The following SLC25A38 variants were observed in gnomAD, a reference collection of about 807,000 sequenced individuals.
SLC25A38 encodes the protein mitochondrial glycine transporter.
A neutral mutation model predicts 33.4 loss-of-function variants in SLC25A38; 27 were observed. The observed-to-expected ratio is 0.81, with a 90% confidence interval of 0.60 to 1.11. The LOEUF (loss-of-function observed/expected upper bound fraction) is 1.11. SLC25A38 is among the 50% of genes most tolerant of loss of function. The probability of loss-of-function intolerance (pLI) is 0.00; values close to 1 mark genes in which losing one functional copy is unlikely to be tolerated. For missense variants in SLC25A38, 344 were observed against 388.8 expected, an observed-to-expected ratio of 0.88 and a Z score of 0.97; for synonymous variants, 123 against 145.9, an observed-to-expected ratio of 0.84 and a Z score of 1.13.
chr3:39,396,648 T>C lies in SLC25A38; in HGVS notation c.*128T>C. ...AAACCAGGCAGAAATTGTGTTGCCT[T>C]TGCCTTCAGTAATCCCCTTAAGGAG... On this transcript the variant is annotated 3_prime_UTR_variant, in exon 7 of 7. Transcript: ENST00000650617. 6.8e-7 allele frequency: 1 copy of C among 1,470,162 alleles called. No homozygotes were observed. The highest frequency in any genetic ancestry group is 1.2e-5 in the South Asian group (1 of 86,504). 91.1% of individuals were successfully genotyped at this position (1,470,162 alleles called of 1,614,324 possible). A position where few individuals can be genotyped will look rare whatever the true frequency, so the allele number is the denominator to read the frequency against.
intron 3 of SLC25A38, among the ~76,000 whole-genome samples, 195 bp from the exon 4 acceptor site, chr3:39,391,246 C>T (rs991143180): frequency 2.0e-5 from 3 of 152,206 alleles, no homozygotes; most frequent in African/African-American, 4.8e-5. Context: ...ACAGCAGAAA[C>T]TGGTTTTATA....
chr3:39,391,491 C>T lies in SLC25A38; in HGVS notation c.327C>T (p.Tyr109=), dbSNP rs1482782807. The T allele has an allele frequency of 6.2e-7, 1 of 1,614,106 alleles. No homozygotes were observed. The highest frequency in any genetic ancestry group is 1.3e-5 in the African/African-American group (1 of 74,940). Residue 109 remains tyrosine, a synonymous_variant, in exon 4 of 7, where the codon TAC becomes TAT. Transcript: ENST00000650617. The stretch of plus-strand genomic sequence containing the variant: ...TTGGAATCTACTTTGGCACTCTCTA[C>T]TCTTTGAAGCAGTATTTCTTGCGAG... ...PGVGIYFGTL[Y]SLKQYFLRGH...
intron 1 of SLC25A38, 104 bp downstream of exon 1, chr3:39,383,897 G>T (rs1220462984): frequency 1.1e-5 from 14 of 1,280,638 alleles, no homozygotes; most frequent in African/African-American, 1.5e-5. Context: ...CGCGCCCCAG[G>T]GTGCGCTCAG....
At chr3:39,390,631 C>G in intron 3 of SLC25A38, 124 bp downstream of exon 3, 1 of 940,674 alleles carries the variant, frequency 1.1e-6, no homozygotes, top group Non-Finnish European at 1.7e-6. Context: ...CCTATGTGGT[C>G]TTATCTCTCA....
At chr3:39,392,156 A>C in intron 5 of SLC25A38, 135 bp downstream of exon 5, 1 of 1,201,334 alleles carries the variant, frequency 8.3e-7, no homozygotes, top group South Asian at 1.3e-5. Flanking sequence ...TGTGTCAGGA[A>C]CTGGGATGCA....
chr3:39,383,809 G>C lies in SLC25A38; in HGVS notation c.69+16G>C, dbSNP rs753702625. ...AACGCTTATGGTGAGGGCACTGCGGGGAAGGAAGGGCAGGGGTCCGAACCG... is the reference window on the plus strand; with the variant it reads ...AACGCTTATGGTGAGGGCACTGCGGCGAAGGAAGGGCAGGGGTCCGAACCG... On this transcript the variant is annotated intron_variant, in intron 1 of 6. Coordinates refer to ENST00000650617, the MANE Select transcript of SLC25A38 (RefSeq NM_017875.4). The C allele has an allele frequency of 6.2e-7, 1 of 1,613,890 alleles. No individual in the cohort carries two copies. Among genetic ancestry groups the C allele is most frequent in the Admixed American group, 1.7e-5 (1 of 59,996 alleles).
chr3:39,391,377 C>A (rs1349166423), intron 3 of SLC25A38, 64 bp from the exon 4 acceptor site: 8 of 1,608,604 alleles, frequency 5.0e-6, no homozygotes, highest in Non-Finnish European at 5.9e-6. Context: ...TGGGAAAACC[C>A]AGCTAAGATA....
chr3:39,385,215 G>GTTT (rs1284366532), intron 1 of SLC25A38, among the ~76,000 whole-genome samples: 1 of 152,134 alleles, frequency 6.6e-6, no homozygotes, highest in Admixed American at 6.5e-5. Context: ...TGTTGTTGTT[G>GTTT]TTGTCTTGTT....
Position 39,383,783 on chromosome 3 carries a change from A to G in SLC25A38, c.59A>G (p.Glu20Gly). ...LQPQDVGDTV[E>G]TLMLHPVIKA... is the part of the protein sequence containing the mutation. The stretch of plus-strand genomic sequence containing the variant: ...CCCCAAGATGTCGGAGACACGGTGG[A>G]AACGCTTATGGTGAGGGCACTGCGG... Residue 20 changes from glutamate (E) to glycine (G), a missense_variant, in exon 1 of 7, where the codon GAA (glutamate) becomes GGA (glycine). Glu to Gly is a moderately conservative substitution (Grantham distance 98). Coordinates refer to ENST00000650617, the MANE Select transcript of SLC25A38 (RefSeq NM_017875.4). 1 of 1,614,164 alleles carries G rather than the reference A, an allele frequency of 6.2e-7. No individual in the cohort carries two copies. The highest frequency in any genetic ancestry group is 1.1e-5 in the South Asian group (1 of 91,086).
At position 39,391,673 on chromosome 3, in the gene SLC25A38, C is replaced by T. The variant is rs1389107701; in HGVS notation, c.456+53C>T. On this transcript the variant is annotated intron_variant, in intron 4 of 6. Coordinates refer to ENST00000650617, the MANE Select transcript of SLC25A38 (RefSeq NM_017875.4). ...GATAGTTCGGCTTAGCCACTGGGCT[C>T]CTGGGGAGTGACCACCGATGTCAAC... 3.1e-6 allele frequency: 5 copies of T among 1,612,524 alleles called. No homozygotes were observed. The African/African-American group carries it at 6.7e-5, about 22-fold the overall frequency.
At position 39,383,554 on chromosome 3, in the gene SLC25A38, T is replaced by G; in HGVS notation, c.-171T>G. The G allele has an allele frequency of 1.5e-6, 1 of 684,408 alleles. No individual in the cohort carries two copies. Among genetic ancestry groups the G allele is most frequent in the East Asian group, 2.7e-5 (1 of 36,566 alleles). The allele number at this position is 684,408 out of a possible 1,614,324, so 42.4% of individuals were successfully genotyped here. ...GCCCGCAGCCCCTGGACTAGCAGGA[T>G]CCGAACCCCGGCGGCTGCGTGCTTA... On this transcript the variant is annotated 5_prime_UTR_variant, in exon 1 of 7. Transcript: ENST00000650617.
intron 6 of SLC25A38, 56 bp downstream of exon 6, chr3:39,394,632 G>A (rs1006829737): frequency 2.0e-5 from 32 of 1,599,600 alleles, no homozygotes; most frequent in Non-Finnish European, 2.7e-5. Context: ...TCTTTCTAGA[G>A]CAGTAGTTCT....
At chr3:39,390,375 T>G (rs577226976) in intron 2 of SLC25A38, 48 bp from the exon 3 acceptor site, 3 of 1,582,434 alleles carry the variant, frequency 1.9e-6, no homozygotes, top group East Asian at 4.5e-5. Context: ...TATGAGGAAG[T>G]GATCTAAGTG....
Position 39,384,116 on chromosome 3 carries a change from G to A in SLC25A38, c.69+323G>A, listed in dbSNP as rs552063431. Among the ~76,000 whole-genome samples the A allele has an allele frequency of 4.9e-4, 75 of 152,350 alleles. 1 individual carries two copies. The South Asian group carries it at 0.016, about 32-fold the overall frequency. On this transcript the variant is annotated intron_variant, in intron 1 of 6. Coordinates refer to ENST00000650617, the MANE Select transcript of SLC25A38 (RefSeq NM_017875.4). ...CCACAAGGTGCGAGTAGGCTGCCAG[G>A]TGGAAGGGCACCCGGGCAGATTTGG... is the stretch of plus-strand genomic sequence containing the variant.
At position 39,391,971 on chromosome 3, in the gene SLC25A38, C is replaced by T; in HGVS notation, c.575C>T (p.Ser192Leu). Residue 192 changes from serine (S) to leucine (L), a missense_variant, in exon 5 of 7, where the codon TCA becomes TTA. Coordinates refer to ENST00000650617, the MANE Select transcript of SLC25A38 (RefSeq NM_017875.4). ...ACTCTCCTTCGAGATGCGCCCTTCT[C>T]AGGAATCTACCTGATGTTTTACAAC... ...TATLLRDAPF[S>L]GIYLMFYNQT... 3 of 1,614,222 alleles carry T rather than the reference C, an allele frequency of 1.9e-6. No homozygotes were observed. The highest frequency in any genetic ancestry group is 2.5e-6 in the Non-Finnish European group (3 of 1,180,052).
At chr3:39,384,749 G>T (rs1003184175) in intron 1 of SLC25A38, 1 of 395,064 alleles carries the variant, frequency 2.5e-6, no homozygotes, top group Non-Finnish European at 4.5e-6. Flanking sequence ...CCCTTAAAAA[G>T]AAACTACTTT....
intron 3 of SLC25A38, among the ~76,000 whole-genome samples, chr3:39,391,135 G>A (rs1218664678): frequency 6.6e-6 from 1 of 152,134 alleles, no homozygotes; most frequent in Non-Finnish European, 1.5e-5. Flanking sequence ...GATGAGAGTT[G>A]GTGTTTAAAA....
At chr3:39,393,625 G>A (rs886609724) in intron 5 of SLC25A38, among the ~76,000 whole-genome samples, 1 of 152,084 alleles carries the variant, frequency 6.6e-6, no homozygotes, top group African/African-American at 2.4e-5. Flanking sequence ...TCAGCCTCTG[G>A]AGTAGCTGGG....
intron 2 of SLC25A38, 143 bp from the exon 3 acceptor site, chr3:39,390,280 A>G: frequency 1.2e-6 from 1 of 830,592 alleles, no homozygotes; most frequent in Non-Finnish European, 2.0e-6. Flanking sequence ...ACGAACACAT[A>G]GAGTATCTCC....
Sources: gnomAD v4.1 joint callset for allele counts (sites outside exome capture counted in the v4.1 genomes callset) on GRCh38, gnomAD v4.1.1 for gene constraint, MANE v1.5 for transcripts, NCBI Gene and HGNC (gene_info 2026-07-23, HGNC 2026-07-21) for gene names.